CPS1: variants seen among roughly 807,000 people sequenced by gnomAD.
CPS1 encodes the protein carbamoyl-phosphate synthase [ammonia], mitochondrial.
Under a neutral mutation model 174.6 loss-of-function variants are expected in CPS1, and 109 were observed. The ratio of observed to expected loss-of-function variants is 0.62; its 90% confidence interval spans 0.53 to 0.73. The LOEUF (loss-of-function observed/expected upper bound fraction) is 0.73, where lower values mean the gene tolerates loss of function less well. CPS1 is among the 30% of genes least tolerant of loss of function. CPS1 has a pLI of 0.00. For missense variants in CPS1, 1,689 were observed against 1,821.9 expected, an observed-to-expected ratio of 0.93 and a Z score of 1.33; for synonymous variants, 637 against 632.0, an observed-to-expected ratio of 1.01 and a Z score of -0.12.
chr2:210,676,017 T>TGTAC (rs1233163662), intron 36 of CPS1, among the ~76,000 whole-genome samples, 177 bp downstream of exon 36: 2 of 152,172 alleles, frequency 1.3e-5, no homozygotes, highest in African/African-American at 4.8e-5. Context: ...TAACGTCATG[T>TGTAC]GTACATGGTG....
At chr2:210,485,700 T>C (rs1694698256) in intron 1 of CPS1, among the ~76,000 whole-genome samples, 2 of 152,216 alleles carry the variant, frequency 1.3e-5, no homozygotes, top group South Asian at 2.1e-4. Flanking sequence ...GGTTGAATTC[T>C]ATCCAGCCAT....
intron 27 of CPS1, 22 bp downstream of exon 27, chr2:210,648,562 C>A: frequency 6.3e-7 from 1 of 1,596,174 alleles, no homozygotes; most frequent in Non-Finnish European, 8.6e-7. Flanking sequence ...TATTGTTTTC[C>A]AAAACAATGA....
At chr2:210,547,890 C>G (rs956713884) in intron 1 of CPS1, among the ~76,000 whole-genome samples, 1 of 151,892 alleles carries the variant, frequency 6.6e-6, no homozygotes, top group Non-Finnish European at 1.5e-5. Context: ...CTTCATATTC[C>G]TATGTTACAG....
chr2:210,662,265 C>A (rs911071892), intron 32 of CPS1, among the ~76,000 whole-genome samples: 1 of 152,070 alleles, frequency 6.6e-6, no homozygotes, highest in Non-Finnish European at 1.5e-5. Flanking sequence ...GTATATAAAT[C>A]TTAGTTTTTT....
chr2:210,506,203 G>A (rs376377837), intron 1 of CPS1, among the ~76,000 whole-genome samples: 17 of 152,180 alleles, frequency 1.1e-4, no homozygotes, highest in African/African-American at 2.9e-4. Context: ...AGGAACGATC[G>A]GGCAGCAACA....
intron 15 of CPS1, 137 bp downstream of exon 15, chr2:210,600,849 T>C: frequency 9.9e-7 from 1 of 1,012,488 alleles, no homozygotes. Context: ...GTTAATAGTT[T>C]AGAAATATTG....
At chr2:210,611,154 T>A (rs1178726765) in intron 19 of CPS1, among the ~76,000 whole-genome samples, 1 of 151,898 alleles carries the variant, frequency 6.6e-6, no homozygotes, top group East Asian at 1.9e-4. Flanking sequence ...CTCTTGTAAA[T>A]TTTCCCTTAT....
intron 1 of CPS1, among the ~76,000 whole-genome samples, chr2:210,522,387 AT>A (rs927029282): frequency 2.0e-5 from 3 of 151,842 alleles, no homozygotes; most frequent in African/African-American, 4.8e-5. Flanking sequence ...ATTTTTAAGA[AT>A]TTTTTTTAAA....
In CPS1 at chr2:210,574,538, A is replaced by G. The variant is rs1184281978; in HGVS notation, c.236+1131A>G. Among the ~76,000 whole-genome samples the G allele has an allele frequency of 2.6e-5, 4 of 152,244 alleles. No individual in the cohort carries two copies. In the East Asian group the frequency reaches 7.7e-4, roughly 29 times the overall value. ...ATTACAGTGTATGAAATCTGTTTGC[A>G]AAGTTTTGCTTCACCAGGCAATTAT... On this transcript the variant is annotated intron_variant, in intron 2 of 37. Coordinates refer to ENST00000233072, the MANE Select transcript of CPS1 (RefSeq NM_001875.5).
Position 210,660,672 on chromosome 2 carries a change from T to G in CPS1, c.3927+17T>G. The G allele has an allele frequency of 1.9e-6, 3 of 1,609,176 alleles. No homozygotes were observed. Among genetic ancestry groups the G allele is most frequent in the Non-Finnish European group, 2.6e-6 (3 of 1,175,538 alleles). On this transcript the variant is annotated intron_variant, in intron 32 of 37. Transcript: ENST00000233072. Reference sequence around the variant, plus strand: ...GCAATTAAGGTAACATTTTCAAAAATTTATTAGTCATTTTATGAGTTCTAG... The same window carrying G: ...GCAATTAAGGTAACATTTTCAAAAAGTTATTAGTCATTTTATGAGTTCTAG...
intron 1 of CPS1, among the ~76,000 whole-genome samples, chr2:210,514,652 A>G (rs1458860287): frequency 6.6e-6 from 1 of 151,882 alleles, no homozygotes; most frequent in African/African-American, 2.4e-5. Flanking sequence ...TTCTTTACCT[A>G]TTTGGATGCC....
chr2:210,579,779 A>G lies in CPS1; in HGVS notation c.528+9A>G, dbSNP rs369476447. The G allele has an allele frequency of 9.6e-5, 154 of 1,608,584 alleles. No individual in the cohort carries two copies. Among genetic ancestry groups the G allele is most frequent in the Non-Finnish European group, 1.1e-4 (135 of 1,176,672 alleles). ...AAATAATTCGGGATAAGGTATAATC[A>G]TCATCTTTAGCCAAATCTATGTTTC... On this transcript the variant is annotated intron_variant, in intron 5 of 37. Coordinates refer to ENST00000233072, the MANE Select transcript of CPS1 (RefSeq NM_001875.5).
chr2:210,514,162 T>A (rs1226634813), intron 1 of CPS1, among the ~76,000 whole-genome samples: 1 of 151,882 alleles, frequency 6.6e-6, no homozygotes, highest in Non-Finnish European at 1.5e-5. Context: ...CTTTGGCTTC[T>A]CAAGCTCTTT....
intron 5 of CPS1, among the ~76,000 whole-genome samples, chr2:210,582,189 A>G (rs1243417108): frequency 6.6e-6 from 1 of 152,180 alleles, no homozygotes; most frequent in African/African-American, 2.4e-5. Flanking sequence ...TACTATCATA[A>G]TGAATGAATT....
intron 21 of CPS1, among the ~76,000 whole-genome samples, chr2:210,622,655 A>C (rs1182827509): frequency 6.6e-6 from 1 of 151,662 alleles, no homozygotes; most frequent in African/African-American, 2.4e-5. Flanking sequence ...GAATTCAACT[A>C]TAATAGAACT....
chr2:210,477,701 T>C, exon 1 of CPS1: 1 of 1,605,948 alleles, frequency 6.2e-7, no homozygotes, highest in Non-Finnish European at 8.5e-7. Flanking sequence ...AAATAGTTGC[T>C]TTCTTAGGAA....
chr2:210,611,746 T>G (rs1226013871), intron 19 of CPS1, among the ~76,000 whole-genome samples: 1 of 151,928 alleles, frequency 6.6e-6, no homozygotes, highest in East Asian at 1.9e-4. Context: ...TTGCCTTCCA[T>G]TCTAAAGAAC....
intron 20 of CPS1, among the ~76,000 whole-genome samples, chr2:210,613,749 T>C (rs1379366060): frequency 6.6e-6 from 1 of 151,980 alleles, no homozygotes; most frequent in African/African-American, 2.4e-5. Flanking sequence ...AACAGACTTA[T>C]AAAAGATGAG....
intron 27 of CPS1, among the ~76,000 whole-genome samples, chr2:210,649,084 G>A (rs751272091): frequency 6.6e-6 from 1 of 152,180 alleles, no homozygotes; most frequent in Non-Finnish European, 1.5e-5. Context: ...ACTTTCTTCA[G>A]ATGTTACCAC....
Sources: allele counts gnomAD v4.1 joint callset (sites outside exome capture counted in the v4.1 genomes callset), GRCh38; gene constraint gnomAD v4.1.1; transcripts MANE v1.5; gene names NCBI Gene and HGNC (gene_info 2026-07-23, HGNC 2026-07-21).